DENND2B: variants seen among roughly 807,000 people sequenced by gnomAD.
DENND2B encodes DENN domain containing 2B, also known as DENN domain-containing protein 2B.
DENND2B carries 32 observed loss-of-function variants against 116.0 expected under a neutral mutation model. The ratio of observed to expected loss-of-function variants is 0.28; its 90% confidence interval spans 0.21 to 0.37. The LOEUF (loss-of-function observed/expected upper bound fraction) is 0.37, where lower values mean the gene tolerates loss of function less well. Among genes scored for constraint, DENND2B ranks in the 10% least tolerant of loss-of-function variants. The probability of loss-of-function intolerance (pLI) is 1.00; values close to 1 mark genes in which losing one functional copy is unlikely to be tolerated. For missense variants in DENND2B, 1,276 were observed against 1,477.7 expected (o/e 0.86, Z 2.24); for synonymous variants, 588 against 583.9 (o/e 1.01, Z -0.10).
At chr11:8,806,391 A>G (rs1350868609) in intron 1 of DENND2B, among the ~76,000 whole-genome samples, 3 of 152,166 alleles carry the variant, frequency 2.0e-5, no homozygotes, top group African/African-American at 7.2e-5. Flanking sequence ...AGAAGGCTTC[A>G]TACGCTAACT....
At chr11:8,862,118 T>C (rs566217073) in intron 2 of DENND2B, among the ~76,000 whole-genome samples, 168 of 151,972 alleles carry the variant, frequency 1.1e-3, no homozygotes, top group Non-Finnish European at 5.9e-4. Flanking sequence ...ACTGGCACAC[T>C]AAAATTTCAG....
At chr11:8,817,528 A>G (rs1250750293) in intron 4 of DENND2B, among the ~76,000 whole-genome samples, 1 of 151,820 alleles carries the variant, frequency 6.6e-6, no homozygotes, top group African/African-American at 2.4e-5. Context: ...TACCACCAGC[A>G]CCCCACCCCT....
At chr11:8,761,113 C>T (rs1047263381) in intron 1 of DENND2B, among the ~76,000 whole-genome samples, 2 of 152,194 alleles carry the variant, frequency 1.3e-5, no homozygotes, top group African/African-American at 4.8e-5. Flanking sequence ...CACTTCAGTG[C>T]AGATCCTGCA....
chr11:8,806,227 T>C (rs2060823027), intron 1 of DENND2B, among the ~76,000 whole-genome samples: 1 of 152,156 alleles, frequency 6.6e-6, no homozygotes. Context: ...CAGTTCCAAA[T>C]AATCCTCCAT....
intron 13 of DENND2B, among the ~76,000 whole-genome samples, chr11:8,703,950 C>A (rs1160269586): frequency 6.6e-6 from 1 of 152,144 alleles, no homozygotes; most frequent in African/African-American, 2.4e-5. Context: ...TATACCTGCT[C>A]CAGGCCCTGT....
intron 11 of DENND2B, among the ~76,000 whole-genome samples, chr11:8,710,582 C>T (rs1272234876): frequency 6.6e-6 from 1 of 152,038 alleles, no homozygotes; most frequent in Non-Finnish European, 1.5e-5. Flanking sequence ...AAACCCACTC[C>T]CTCCCCTTAC....
At chr11:8,800,071 A>C (rs2060187547) in intron 1 of DENND2B, among the ~76,000 whole-genome samples, 1 of 151,960 alleles carries the variant, frequency 6.6e-6, no homozygotes, top group Non-Finnish European at 1.5e-5. Flanking sequence ...ATTCCACCTC[A>C]GCCTCCCAAG....
In DENND2B at chr11:8,698,809, C is replaced by G; in HGVS notation, c.2940+124G>C. On this transcript the variant is annotated intron_variant, in intron 16 of 19. Coordinates refer to ENST00000313726, the MANE Select transcript of DENND2B (RefSeq NM_213618.2). ...AAGACCAGCTTCTCCCCACCCTTGA[C>G]TAGTCTGTGAGTAGTACTGAACCCA... 2.6e-6 allele frequency: 3 copies of G among 1,168,110 alleles called. No homozygotes were observed. The South Asian group carries it at 3.7e-5, about 14-fold the overall frequency. 72.4% of individuals were successfully genotyped at this position (1,168,110 alleles called of 1,614,324 possible). A position where few individuals can be genotyped will look rare whatever the true frequency, so the allele number is the denominator to read the frequency against.
chr11:8,742,509 A>G (rs949347765), intron 2 of DENND2B, among the ~76,000 whole-genome samples: 2 of 152,212 alleles, frequency 1.3e-5, no homozygotes, highest in Non-Finnish European at 2.9e-5. Flanking sequence ...AGTGTTGAAA[A>G]GCTTGTCAGC....
At chr11:8,875,440 T>C (rs1195492642), upstream of DENND2B, among the ~76,000 whole-genome samples, 3 of 151,760 alleles carry the variant, frequency 2.0e-5, no homozygotes, top group African/African-American at 7.3e-5. Context: ...ATTTTACTAT[T>C]CTTATTTTTT....
chr11:8,855,618 T>G (rs1273932841), intron 3 of DENND2B, among the ~76,000 whole-genome samples: 1 of 151,672 alleles, frequency 6.6e-6, no homozygotes, highest in Non-Finnish European at 1.5e-5. Context: ...GCAACTTTCA[T>G]AGGAAGGAGG....
chr11:8,718,284 T>G lies in DENND2B; in HGVS notation c.1478-392A>C, dbSNP rs1329298626. 3.8e-6 allele frequency: 5 copies of G among 1,311,076 alleles called. No homozygotes were observed. The East Asian group carries it at 1.0e-4, about 26-fold the overall frequency. The allele number at this position is 1,311,076 out of a possible 1,614,324, so 81.2% of individuals were successfully genotyped here. A position where few individuals can be genotyped will look rare whatever the true frequency, so the allele number is the denominator to read the frequency against. On this transcript the variant is annotated intron_variant, in intron 4 of 19. Transcript: ENST00000313726. Reference sequence around the variant, plus strand: ...GCAAACACCCCAGAGATAACACAGTTCAAGGTAGGAAGGGTTTTCAGGTCA... The same window carrying G: ...GCAAACACCCCAGAGATAACACAGTGCAAGGTAGGAAGGGTTTTCAGGTCA...
intron 4 of DENND2B, among the ~76,000 whole-genome samples, chr11:8,820,062 T>A (rs1033856883): frequency 6.6e-6 from 1 of 152,182 alleles, no homozygotes; most frequent in African/African-American, 2.4e-5. Context: ...GAAAAAATCA[T>A]AAAGGTAGGT....
chr11:8,726,577 G>A (rs138949449), intron 3 of DENND2B, among the ~76,000 whole-genome samples: 1 of 152,322 alleles, frequency 6.6e-6, no homozygotes, highest in Non-Finnish European at 1.5e-5. Context: ...AAGTGACAGA[G>A]GCATGATTCT....
intron 2 of DENND2B, among the ~76,000 whole-genome samples, chr11:8,740,563 A>T (rs2050013618): frequency 6.6e-6 from 1 of 152,206 alleles, no homozygotes; most frequent in Non-Finnish European, 1.5e-5. Flanking sequence ...AGCTGGAGCT[A>T]GTTGGGAAAA....
chr11:8,874,018 G>T (rs532863665), upstream of DENND2B, among the ~76,000 whole-genome samples: 1 of 152,294 alleles, frequency 6.6e-6, no homozygotes, highest in African/African-American at 2.4e-5. Context: ...TAATTTAGGG[G>T]TCTGAGATAT....
chr11:8,724,098 A>G (rs945964438), intron 4 of DENND2B, among the ~76,000 whole-genome samples: 4 of 152,204 alleles, frequency 2.6e-5, no homozygotes, highest in Non-Finnish European at 5.9e-5. Context: ...GATCGAGACC[A>G]TCCTGGCTAA....
At chr11:8,717,519 G>C (rs551302448) in intron 5 of DENND2B, among the ~76,000 whole-genome samples, 1 of 152,190 alleles carries the variant, frequency 6.6e-6, no homozygotes, top group Non-Finnish European at 1.5e-5. Context: ...TGTCCACAGA[G>C]GTTTCAACAT....
At chr11:8,773,120 G>A (rs574160207) in intron 1 of DENND2B, among the ~76,000 whole-genome samples, 15 of 152,268 alleles carry the variant, frequency 9.9e-5, no homozygotes, top group African/African-American at 3.1e-4. Context: ...CAAAGGCCAT[G>A]AGCAGACTTC....
Sources: gnomAD v4.1 joint callset for allele counts (sites outside exome capture counted in the v4.1 genomes callset) on GRCh38, gnomAD v4.1.1 for gene constraint, MANE v1.5 for transcripts, NCBI Gene and HGNC (gene_info 2026-07-23, HGNC 2026-07-21) for gene names.